TIMM50: variants seen among roughly 807,000 people sequenced by gnomAD.
TIMM50 encodes translocase of inner mitochondrial membrane 50, also known as mitochondrial import inner membrane translocase subunit TIM50.
TIMM50 carries 34 observed loss-of-function variants against 49.6 expected under a neutral mutation model. That is an observed-to-expected ratio of 0.69 (90% CI 0.52 to 0.91). The LOEUF is 0.91. Among genes scored for constraint, TIMM50 ranks in the 40% least tolerant of loss-of-function variants. The pLI, the probability that TIMM50 is intolerant of heterozygous loss-of-function variation, is 0.00. For synonymous variants in TIMM50, 199 were observed against 198.4 expected (o/e 1.00, Z -0.03); for missense variants, 458 against 477.8 (o/e 0.96, Z 0.39).
chr19:39,486,467 C>A lies in TIMM50; in HGVS notation c.668C>A (p.Thr223Lys). Residue 223 changes from threonine to lysine, a missense_variant, in exon 8 of 11, where the codon ACA (threonine) becomes AAA (lysine). Transcript: ENST00000607714. ...TCCTACCGCCTATTCCGGGACGCCA[C>A]AAGATACATGGATGGACACCATGTA... Reference protein sequence around the residue: ...FISYRLFRDATRYMDGHHVKD... With the variant: ...FISYRLFRDAKRYMDGHHVKD... 1 of 1,614,170 alleles carries A rather than the reference C, an allele frequency of 6.2e-7. No homozygotes were observed. Among genetic ancestry groups the A allele is most frequent in the Non-Finnish European group, 8.5e-7 (1 of 1,180,036 alleles).
At position 39,480,842 on chromosome 19, in the gene TIMM50, C is replaced by T. The variant is rs1178089048; in HGVS notation, c.-12C>T. On this transcript the variant is annotated 5_prime_UTR_variant, in exon 1 of 11. Coordinates refer to ENST00000607714, the MANE Select transcript of TIMM50 (RefSeq NM_001001563.5). ...GGAGCGAGTGGGCGGGGCCGCGTGG[C>T]GTCAGCGCAAGATGGCGGCCTCGGC... 2 of 1,594,162 alleles carry T rather than the reference C, an allele frequency of 1.3e-6. No homozygotes were observed.
chr19:39,483,034 C>T, intron 3 of TIMM50, 101 bp from the exon 4 acceptor site: 3 of 1,608,208 alleles, frequency 1.9e-6, no homozygotes, highest in South Asian at 1.1e-5. Flanking sequence ...TCCCAGTGAC[C>T]TTTGCCTGTT....
Position 39,488,534 on chromosome 19 carries a change from C to G in TIMM50, c.854-5C>G. The G allele has an allele frequency of 6.2e-7, 1 of 1,612,110 alleles. No homozygotes were observed. Among genetic ancestry groups the G allele is most frequent in the Non-Finnish European group, 8.5e-7 (1 of 1,179,550 alleles). On this transcript the variant is annotated splice_region_variant and splice_polypyrimidine_tract_variant and intron_variant, in intron 9 of 10. Transcript: ENST00000607714. ...CTGGCTGACCACCCCCTGTTGTGCC[C>G]ACAGCCATTGCACTGAATGGTGTGG...
In TIMM50 at chr19:39,488,654, T is replaced by C; in HGVS notation, c.960+9T>C. On this transcript the variant is annotated intron_variant, in intron 10 of 10. Coordinates refer to ENST00000607714, the MANE Select transcript of TIMM50 (RefSeq NM_001001563.5). ...AAAGCCGGCTAGAGCAGGTTGGTGC[T>C]CAGATGCCCAGAGTGGAGGATCGGC... 6.2e-7 allele frequency: 1 copy of C among 1,611,904 alleles called. No individual in the cohort carries two copies. Among genetic ancestry groups the C allele is most frequent in the Non-Finnish European group, 8.5e-7 (1 of 1,178,342 alleles).
At chr19:39,484,055 T>C (rs1173902629) in intron 4 of TIMM50, among the ~76,000 whole-genome samples, 2 of 152,104 alleles carry the variant, frequency 1.3e-5, no homozygotes, top group South Asian at 2.1e-4. Flanking sequence ...GGTTTCACCA[T>C]GTTGGTCAGG....
chr19:39,482,420 G>T (rs1161944891), intron 2 of TIMM50, among the ~76,000 whole-genome samples: 1 of 152,088 alleles, frequency 6.6e-6, no homozygotes, highest in Non-Finnish European at 1.5e-5. Flanking sequence ...CACTTTGGGA[G>T]GCCGAGGCGG....
chr19:39,483,456 C>CA (rs1198224813), intron 4 of TIMM50: 1 of 431,258 alleles, frequency 2.3e-6, no homozygotes, highest in Non-Finnish European at 4.2e-6. Context: ...TTAGACCAAG[C>CA]ATCTGCGGTT....
intron 6 of TIMM50, 42 bp from the exon 7 acceptor site, chr19:39,486,145 C>A (rs377420358): frequency 2.3e-5 from 37 of 1,593,254 alleles, no homozygotes; most frequent in Non-Finnish European, 3.0e-5. Context: ...ACTCTGAGGA[C>A]CTCTGGGTCT....
At position 39,480,875 on chromosome 19, in the gene TIMM50, T is replaced by A; in HGVS notation, c.22T>A (p.Phe8Ile). MAASAAV[F>I]SRLRSGLRLG... ...CAAGATGGCGGCCTCGGCAGCGGTG[T>A]TCTCGCGCTTGCGAAGCGGGCTCCG... The change falls in exon 1 of 11, where the codon TTC (phenylalanine) becomes ATC (isoleucine). Residue 8 changes from phenylalanine (F) to isoleucine (I), a missense_variant. By Grantham distance (21) the Phe-to-Ile change is conservative (BLOSUM62 0). Coordinates refer to ENST00000607714, the MANE Select transcript of TIMM50 (RefSeq NM_001001563.5). The A allele has an allele frequency of 6.2e-7, 1 of 1,600,040 alleles. No individual in the cohort carries two copies. Among genetic ancestry groups the A allele is most frequent in the Non-Finnish European group, 8.5e-7 (1 of 1,176,034 alleles).
chr19:39,483,697 C>T (rs1156457108), intron 4 of TIMM50, among the ~76,000 whole-genome samples: 2 of 152,168 alleles, frequency 1.3e-5, no homozygotes, highest in Non-Finnish European at 2.9e-5. Context: ...TGTTTGCAAA[C>T]AGTCATGTTA....
intron 10 of TIMM50, 75 bp from the exon 11 acceptor site, chr19:39,489,644 G>T: frequency 7.4e-7 from 1 of 1,358,270 alleles, no homozygotes. Flanking sequence ...GCTGAGGCCT[G>T]GGGACCTGGG....
At position 39,490,097 on chromosome 19, in the gene TIMM50, T is replaced by G; in HGVS notation, c.*277T>G. 2 of 498,472 alleles carry G rather than the reference T, an allele frequency of 4.0e-6. No individual in the cohort carries two copies. The highest frequency in any genetic ancestry group is 3.2e-5 in the Admixed American group (1 of 31,260). 30.9% of individuals were successfully genotyped at this position (498,472 alleles called of 1,614,324 possible). A position where few individuals can be genotyped will look rare whatever the true frequency, so the allele number is the denominator to read the frequency against. ...TCTAAAAACCCTCGCTGTGTCTTCCTGTGTGTTGCGTGATCTGTGAAAAAT... is the reference window on the plus strand; with the variant it reads ...TCTAAAAACCCTCGCTGTGTCTTCCGGTGTGTTGCGTGATCTGTGAAAAAT... On this transcript the variant is annotated 3_prime_UTR_variant, in exon 11 of 11. Transcript: ENST00000607714.
Position 39,486,411 on chromosome 19 carries a change from CATT to C in TIMM50, c.613_615del (p.Ile205del), listed in dbSNP as rs1322601341. The C allele has an allele frequency of 1.9e-6, 3 of 1,614,200 alleles. No individual in the cohort carries two copies. Among genetic ancestry groups the C allele is most frequent in the Non-Finnish European group, 2.5e-6 (3 of 1,180,028 alleles). ...CCCACCCCCAGACTGCGTTTCCACTCATTGATAGTGTGGACCCCCATGGCTTCA... is the reference window on the plus strand; with the variant it reads ...CCCACCCCCAGACTGCGTTTCCACTCGATAGTGTGGACCCCCATGGCTTCA... On this transcript the variant is annotated inframe_deletion, in exon 8 of 11. Transcript: ENST00000607714.
chr19:39,493,129 T>C lies in TIMM50; in HGVS notation c.*3309T>C, dbSNP rs933501237. 1 of 151,972 alleles carries C rather than the reference T, an allele frequency of 6.6e-6. No individual in the cohort carries two copies. The highest frequency in any genetic ancestry group is 1.5e-5 in the Non-Finnish European group (1 of 68,000). 9.4% of individuals were successfully genotyped at this position (151,972 alleles called of 1,614,324 possible). A position where few individuals can be genotyped will look rare whatever the true frequency, so the allele number is the denominator to read the frequency against. ...TTTTGAAGCCTCTACAAAGGATAATTAAAATTTACACCATGACTCTTTGTC... is the reference window on the plus strand; with the variant it reads ...TTTTGAAGCCTCTACAAAGGATAATCAAAATTTACACCATGACTCTTTGTC... On this transcript the variant is annotated 3_prime_UTR_variant, in exon 11 of 11. Transcript: ENST00000607714.
chr19:39,482,423 C>T lies in TIMM50; in HGVS notation c.259+390C>T, dbSNP rs373092528. On this transcript the variant is annotated intron_variant, in intron 2 of 10. Transcript: ENST00000607714. ...CTGTAATCCCAGCACTTTGGGAGGC[C>T]GAGGCGGGCGGATCACGAGGTCAGG... 1.3e-4 allele frequency among the ~76,000 whole-genome samples: 20 copies of T among 152,060 alleles called. No individual in the cohort carries two copies. In the East Asian group the frequency reaches 1.6e-3, roughly 12 times the overall value.
intron 9 of TIMM50, 137 bp from the exon 10 acceptor site, chr19:39,488,402 A>G: frequency 1.9e-6 from 2 of 1,074,990 alleles, no homozygotes; most frequent in Non-Finnish European, 2.8e-6. Context: ...TGTTCAGGGG[A>G]GCCCTTTCAG....
rs561638511 is a variant in TIMM50, at chr19:39,491,727, T to A, written c.*1907T>A. Reference sequence around the variant, plus strand: ...GTCCCAGCTACGTGAGAGGCTGAGGTGGGAGGAATCCCTTGAGCCAAGGAG... The same window carrying A: ...GTCCCAGCTACGTGAGAGGCTGAGGAGGGAGGAATCCCTTGAGCCAAGGAG... On this transcript the variant is annotated 3_prime_UTR_variant, in exon 11 of 11. Transcript: ENST00000607714. 7 of 138,562 alleles carry A rather than the reference T, an allele frequency of 5.1e-5. No homozygotes were observed. The highest frequency in any genetic ancestry group is 1.9e-4 in the African/African-American group (7 of 36,216). 8.6% of individuals were successfully genotyped at this position (138,562 alleles called of 1,614,324 possible). A position where few individuals can be genotyped will look rare whatever the true frequency, so the allele number is the denominator to read the frequency against.
In TIMM50 at chr19:39,490,712, A is replaced by G. The variant is rs2079539485; in HGVS notation, c.*892A>G. On this transcript the variant is annotated 3_prime_UTR_variant, in exon 11 of 11. Transcript: ENST00000607714. ...GCTAAAATAGGGATTTTTATATTAAATCTCCCTATTTTAAAATGTTGGCTC... is the reference window on the plus strand; with the variant it reads ...GCTAAAATAGGGATTTTTATATTAAGTCTCCCTATTTTAAAATGTTGGCTC... The G allele has an allele frequency of 1.3e-5, 2 of 151,652 alleles. No individual in the cohort carries two copies. Among genetic ancestry groups the G allele is most frequent in the Admixed American group, 1.3e-4 (2 of 15,212 alleles). 9.4% of individuals were successfully genotyped at this position (151,652 alleles called of 1,614,324 possible). A position where few individuals can be genotyped will look rare whatever the true frequency, so the allele number is the denominator to read the frequency against.
Position 39,482,471 on chromosome 19 carries a change from C to G in TIMM50, c.260-414C>G, listed in dbSNP as rs559465198. On this transcript the variant is annotated intron_variant, in intron 2 of 10. Transcript: ENST00000607714. ...AGGAGACGGAGACCATCCTGGCTAA[C>G]ACGGTGAAACCCCATCTCTACTAAA... is the stretch of plus-strand genomic sequence containing the variant. 5.5e-3 allele frequency among the ~76,000 whole-genome samples: 820 copies of G among 150,330 alleles called. 8 individuals carry two copies. Among genetic ancestry groups the G allele is most frequent in the African/African-American group, 0.019 (767 of 40,606 alleles).
Sources: gnomAD v4.1 joint callset for allele counts (sites outside exome capture counted in the v4.1 genomes callset) on GRCh38, gnomAD v4.1.1 for gene constraint, MANE v1.5 for transcripts, NCBI Gene and HGNC (gene_info 2026-07-23, HGNC 2026-07-21) for gene names.